ARHGAP45: variants seen among roughly 807,000 people sequenced by gnomAD.
ARHGAP45 encodes rho GTPase-activating protein 45.
ARHGAP45 carries 56 observed loss-of-function variants against 116.1 expected under a neutral mutation model. The ratio of observed to expected loss-of-function variants is 0.48; its 90% confidence interval spans 0.39 to 0.60. The LOEUF (loss-of-function observed/expected upper bound fraction) is 0.60. Ranked by LOEUF, ARHGAP45 falls within the 20% of genes least tolerant of loss-of-function variation. The pLI is 0.00. For synonymous variants in ARHGAP45, 866 were observed against 701.7 expected, an observed-to-expected ratio of 1.23 and a Z score of -3.70; for missense variants, 1,622 against 1,601.0, an observed-to-expected ratio of 1.01 and a Z score of -0.22.
At chr19:1,079,882 C>G (rs140259319) in intron 12 of ARHGAP45, 42 bp downstream of exon 12, 2 of 1,590,626 alleles carry the variant, frequency 1.3e-6, no homozygotes, top group South Asian at 1.1e-5. Flanking sequence ...GATGGTGGAC[C>G]GGGCGGCCTC....
At chr19:1,073,875 A>G (rs1568459105) in intron 5 of ARHGAP45, 73 bp from the exon 6 acceptor site, 2 of 1,528,690 alleles carry the variant, frequency 1.3e-6, no homozygotes, top group Non-Finnish European at 1.8e-6. Flanking sequence ...GGAGGCAGCA[A>G]CCGTCCCCTG....
rs190907000 is a variant in ARHGAP45, at chr19:1,086,061, C to T, written c.*55C>T. Reference sequence around the variant, plus strand: ...TTCTCTCTTGCCTGCTCCTGTCCCTCCAGCACGTCCCCTGCACCACGGCAT... The same window carrying T: ...TTCTCTCTTGCCTGCTCCTGTCCCTTCAGCACGTCCCCTGCACCACGGCAT... On this transcript the variant is annotated 3_prime_UTR_variant, in exon 23 of 23. Coordinates refer to ENST00000313093, the MANE Select transcript of ARHGAP45 (RefSeq NM_012292.5). 1 of 1,454,334 alleles carries T rather than the reference C, an allele frequency of 6.9e-7. No homozygotes were observed. Among genetic ancestry groups the T allele is most frequent in the South Asian group, 1.2e-5 (1 of 81,560 alleles). 90.1% of individuals were successfully genotyped at this position (1,454,334 alleles called of 1,614,324 possible). A position where few individuals can be genotyped will look rare whatever the true frequency, so the allele number is the denominator to read the frequency against.
chr19:1,068,208 T>G lies in ARHGAP45; in HGVS notation c.91-206T>G. On this transcript the variant is annotated intron_variant, in intron 1 of 22. Transcript: ENST00000313093. The surrounding 1 kb of genome is among the most constrained non-coding windows in gnomAD (Gnocchi z 7.5). ...CGGCTGTGGTTTGGGCAAGGACCGT[T>G]GTTTGTGAAAGCTCTAGGGAAGAGG... The G allele has an allele frequency of 7.2e-6, 4 of 551,760 alleles. No individual in the cohort carries two copies. The highest frequency in any genetic ancestry group is 1.2e-5 in the Non-Finnish European group (4 of 320,834). The allele number at this position is 551,760 out of a possible 1,614,324, so 34.2% of individuals were successfully genotyped here.
chr19:1,084,430 C>T, intron 22 of ARHGAP45, 84 bp downstream of exon 22: 2 of 1,049,690 alleles, frequency 1.9e-6, no homozygotes, highest in South Asian at 1.4e-5. Flanking sequence ...TAGTTGTACA[C>T]ACGTGGCAGG....
Position 1,067,230 on chromosome 19 carries a change from C to A in ARHGAP45, c.-176C>A. On this transcript the variant is annotated 5_prime_UTR_variant, in exon 1 of 23. Coordinates refer to ENST00000313093, the MANE Select transcript of ARHGAP45 (RefSeq NM_012292.5). ...GGGCGAGGCCGCGTCGCCGCCTCCC[C>A]GAAGCCTTTTCCTGTTGGGGGGAGG... The A allele has an allele frequency of 7.4e-7, 1 of 1,348,948 alleles. No homozygotes were observed. The highest frequency in any genetic ancestry group is 9.5e-7 in the Non-Finnish European group (1 of 1,057,540). The allele number at this position is 1,348,948 out of a possible 1,614,324, so 83.6% of individuals were successfully genotyped here. A position where few individuals can be genotyped will look rare whatever the true frequency, so the allele number is the denominator to read the frequency against.
chr19:1,068,722 T>C lies in ARHGAP45; in HGVS notation c.399T>C (p.Leu133=). ...GCTTCGCTGAGGGCCTTGAGAAACT[T>C]AAGGAGTGTGTGTTGCGTGACGGTG... is the stretch of plus-strand genomic sequence containing the variant. ...VARFAEGLEK[L]KECVLRDDLL... The change falls in exon 2 of 23, where the codon CTT becomes CTC. Residue 133 remains leucine, a synonymous_variant. Coordinates refer to ENST00000313093, the MANE Select transcript of ARHGAP45 (RefSeq NM_012292.5). The surrounding 1 kb of genome is among the most constrained non-coding windows in gnomAD (Gnocchi z 7.5). 6.2e-7 allele frequency: 1 copy of C among 1,612,270 alleles called. No individual in the cohort carries two copies. Among genetic ancestry groups the C allele is most frequent in the Admixed American group, 1.7e-5 (1 of 59,994 alleles).
At chr19:1,073,084 G>T in intron 2 of ARHGAP45, 65 bp from the exon 3 acceptor site, 2 of 1,518,386 alleles carry the variant, frequency 1.3e-6, no homozygotes, top group Non-Finnish European at 1.8e-6. Flanking sequence ...AAAGAGGGAG[G>T]AGGTGGACAG....
chr19:1,077,730 G>C (rs540920202), intron 10 of ARHGAP45, 127 bp from the exon 11 acceptor site: 124 of 1,524,232 alleles, frequency 8.1e-5, no homozygotes, highest in Non-Finnish European at 1.1e-4. Flanking sequence ...AGGGTCCTCT[G>C]CATGCCCAGC....
rs781510411 is a variant in ARHGAP45 at position 1,068,300 on chromosome 19, CT to C, written c.91-113del. On this transcript the variant is annotated intron_variant, in intron 1 of 22. Transcript: ENST00000313093. This position sits in a 1 kb window ranked among gnomAD's most constrained non-coding sequence, Gnocchi z 7.5. ...CCCTGTGACCTCTGGCCTTTGACCC[CT>C]GTGGGGTCAGGGTGATGGTGGCCCT... is the stretch of plus-strand genomic sequence containing the variant. 4 of 943,920 alleles carry C rather than the reference CT, an allele frequency of 4.2e-6. No individual in the cohort carries two copies. The Admixed American group carries it at 8.8e-5, about 21-fold the overall frequency. 58.5% of individuals were successfully genotyped at this position (943,920 alleles called of 1,614,324 possible).
In ARHGAP45 at chr19:1,083,337, A is replaced by G. The variant is rs780591738; in HGVS notation, c.2939A>G (p.Glu980Gly). The G allele has an allele frequency of 5.2e-6, 8 of 1,551,984 alleles. No individual in the cohort carries two copies. The Admixed American group carries it at 1.3e-4, about 26-fold the overall frequency. The change falls in exon 21 of 23, where the codon GAG becomes GGG. Residue 980 changes from glutamate (E) to glycine (G), a missense_variant. Glu to Gly is a moderately conservative substitution (Grantham distance 98). Around this residue, in one of 3 missense-constraint regions of ARHGAP45, gnomAD observed 1,334 missense variants for 1,263.8 expected, o/e 1.06. Coordinates refer to ENST00000313093, the MANE Select transcript of ARHGAP45 (RefSeq NM_012292.5). ...YGLVFEEEPE[E>G]TPGGQDESSN... Reference sequence around the variant, plus strand: ...CTGGTCTTCGAGGAGGAGCCGGAGGAGACCCCCGGGGGCCAGGTGAGGGTG... The same window carrying G: ...CTGGTCTTCGAGGAGGAGCCGGAGGGGACCCCCGGGGGCCAGGTGAGGGTG...
chr19:1,082,529 C>T (rs997352896), intron 19 of ARHGAP45: 2 of 435,974 alleles, frequency 4.6e-6, no homozygotes, highest in African/African-American at 4.2e-5. Flanking sequence ...GGAGTGGGAC[C>T]AGCACTTCGC....
Position 1,074,848 on chromosome 19 carries a change from A to G in ARHGAP45, c.1154A>G (p.Lys385Arg). 1 of 1,327,820 alleles carries G rather than the reference A, an allele frequency of 7.5e-7. No individual in the cohort carries two copies. Among genetic ancestry groups the G allele is most frequent in the Non-Finnish European group, 9.9e-7 (1 of 1,010,170 alleles). The allele number at this position is 1,327,820 out of a possible 1,614,324, so 82.3% of individuals were successfully genotyped here. A position where few individuals can be genotyped will look rare whatever the true frequency, so the allele number is the denominator to read the frequency against. ...CACGAGAAGCGCAGGAAGGAGATCA[A>G]GGAGGCCTGGCACCGTGCCCAGAGG... ...LEHEKRRKEI[K>R]EAWHRAQRKL... Residue 385 changes from lysine to arginine, a missense_variant, in exon 10 of 23, where the codon AAG becomes AGG. Coordinates refer to ENST00000313093, the MANE Select transcript of ARHGAP45 (RefSeq NM_012292.5).
chr19:1,067,897 G>C (rs1462697077), intron 1 of ARHGAP45, among the ~76,000 whole-genome samples: 1 of 150,450 alleles, frequency 6.6e-6, no homozygotes, highest in African/African-American at 2.4e-5. Flanking sequence ...TCCTCTAATG[G>C]GATCCACCAG....
chr19:1,085,596 C>T (rs1375771377), intron 22 of ARHGAP45, 64 bp from the exon 23 acceptor site: 1 of 1,231,540 alleles, frequency 8.1e-7, no homozygotes, highest in Non-Finnish European at 1.1e-6. Context: ...CTGTCTGTCC[C>T]TCCCCTTGTC....
upstream of ARHGAP45, chr19:1,065,968 C>T (rs1599744332): frequency 1.3e-6 from 2 of 1,517,416 alleles, no homozygotes; most frequent in Non-Finnish European, 1.8e-6. Flanking sequence ...CAGGGCCGGG[C>T]CAGAAGCCCA....
intron 2 of ARHGAP45, among the ~76,000 whole-genome samples, chr19:1,072,355 T>C (rs1312724176): frequency 6.6e-6 from 1 of 152,200 alleles, no homozygotes; most frequent in Non-Finnish European, 1.5e-5. Flanking sequence ...GCACTGTGCT[T>C]GGCCCTCTCT....
chr19:1,067,578 G>A, intron 1 of ARHGAP45, 83 bp downstream of exon 1: 1 of 1,340,972 alleles, frequency 7.5e-7, no homozygotes, highest in Non-Finnish European at 1.0e-6. Context: ...GGCTCATGCT[G>A]GGGCGGCGGC....
In ARHGAP45 at chr19:1,081,669, C is replaced by T; in HGVS notation, c.2310C>T (p.Ala770=). 6.3e-7 allele frequency: 1 copy of T among 1,584,850 alleles called. No individual in the cohort carries two copies. Among genetic ancestry groups the T allele is most frequent in the Non-Finnish European group, 8.6e-7 (1 of 1,166,192 alleles). Residue 770 remains alanine (A), a synonymous_variant, in exon 18 of 23, where the codon GCC becomes GCT. Transcript: ENST00000313093. ...GQDFSHAARS[A]PDGVPFIVKK... ...ACTTCAGCCACGCGGCCCGCAGCGC[C>T]CCCGACGGCGTGCCCTTCATCGTCA...
Position 1,081,864 on chromosome 19 carries a change from A to G in ARHGAP45, c.2420A>G (p.Lys807Arg). The G allele has an allele frequency of 1.2e-6, 2 of 1,612,978 alleles. No individual in the cohort carries two copies. The highest frequency in any genetic ancestry group is 8.5e-7 in the Non-Finnish European group (1 of 1,179,804). ...AATGGGGTAAAGACACGCGTGGAGA[A>G]GCTGTGCCAGGCCTTCGAGAACGGC... is the stretch of plus-strand genomic sequence containing the variant. The part of the protein sequence containing the change: ...RVNGVKTRVE[K>R]LCQAFENGKE... The change falls in exon 19 of 23, where the codon AAG becomes AGG. Residue 807 changes from lysine (K) to arginine (R), a missense_variant. Transcript: ENST00000313093.
Sources: gnomAD v4.1 joint callset for allele counts (sites outside exome capture counted in the v4.1 genomes callset) on GRCh38, gnomAD v4.1.1 for gene constraint, gnomAD v4.1.1 regional missense constraint, Gnocchi (gnomAD v3.1) non-coding constraint, MANE v1.5 for transcripts, NCBI Gene and HGNC (gene_info 2026-07-23, HGNC 2026-07-21) for gene names.